SNX29: variants seen among roughly 807,000 people sequenced by gnomAD.
The protein encoded by SNX29 is sorting nexin 29.
SNX29 carries 78 observed loss-of-function variants against 102.1 expected under a neutral mutation model. That is an observed-to-expected ratio of 0.76 (90% CI 0.64 to 0.92). The LOEUF (loss-of-function observed/expected upper bound fraction) is 0.92. Ranked by LOEUF, SNX29 falls within the 40% of genes least tolerant of loss-of-function variation. SNX29 has a pLI of 0.00. For missense variants in SNX29, 1,280 were observed against 1,061.7 expected, an observed-to-expected ratio of 1.21 and a Z score of -2.86; for synonymous variants, 580 against 414.5, an observed-to-expected ratio of 1.40 and a Z score of -4.85.
intron 19 of SNX29, among the ~76,000 whole-genome samples, chr16:12,511,038 C>T (rs1245027121): frequency 6.6e-6 from 1 of 152,128 alleles, no homozygotes; most frequent in Non-Finnish European, 1.5e-5. Context: ...CTCACTGCAA[C>T]CTCTGCGTCC....
At chr16:12,254,524 C>T (rs1430517844) in intron 14 of SNX29, among the ~76,000 whole-genome samples, 1 of 152,008 alleles carries the variant, frequency 6.6e-6, no homozygotes, top group Non-Finnish European at 1.5e-5. Flanking sequence ...ACCTGTAATC[C>T]CAGCTACTCG....
intron 1 of SNX29, among the ~76,000 whole-genome samples, chr16:11,977,201 C>T (rs1274622292): frequency 1.3e-5 from 2 of 152,106 alleles, no homozygotes. Flanking sequence ...GGTCCCCCAT[C>T]CCCAGTCATC....
intron 8 of SNX29, 69 bp downstream of exon 8, chr16:12,052,291 A>G: frequency 1.3e-6 from 2 of 1,555,352 alleles, no homozygotes; most frequent in East Asian, 2.3e-5. Context: ...ATCTCAGCTC[A>G]CTGCAACCTC....
At chr16:12,089,834 CT>C in intron 11 of SNX29, 2 of 400,610 alleles carry the variant, frequency 5.0e-6, no homozygotes, top group South Asian at 1.8e-5. Flanking sequence ...CAGTGCGTTC[CT>C]TCCGTCCTTC....
At chr16:12,261,510 C>T (rs796872123) in intron 14 of SNX29, among the ~76,000 whole-genome samples, 90 of 136,220 alleles carry the variant, frequency 6.6e-4, no homozygotes, top group Admixed American at 1.2e-3. Context: ...TGAGTGTTTG[C>T]TGAGCTCGGG....
At chr16:12,024,861 C>T (rs1043190794) in intron 3 of SNX29, among the ~76,000 whole-genome samples, 9 of 152,202 alleles carry the variant, frequency 5.9e-5, no homozygotes, top group Admixed American at 2.0e-4. Context: ...CTCAACATAC[C>T]CCAGAGTTTT....
chr16:12,152,031 C>G (rs2055323118), intron 13 of SNX29, among the ~76,000 whole-genome samples: 1 of 123,062 alleles, frequency 8.1e-6, no homozygotes, highest in Non-Finnish European at 1.8e-5. Context: ...CCAGCCTGGG[C>G]AATGTGGTGA....
At chr16:12,030,772 C>A (rs2057318545) in intron 4 of SNX29, among the ~76,000 whole-genome samples, 1 of 152,228 alleles carries the variant, frequency 6.6e-6, no homozygotes, top group Admixed American at 6.5e-5. Context: ...GATCTGGCTT[C>A]TTGGGCTCTC....
intron 15 of SNX29, among the ~76,000 whole-genome samples, chr16:12,322,044 C>T (rs765279884): frequency 3.3e-5 from 5 of 152,156 alleles, no homozygotes; most frequent in Admixed American, 1.3e-4. Context: ...GTCGGGGTCC[C>T]GGTCCTGTGT....
At chr16:12,551,227 TC>T (rs35164205) in intron 20 of SNX29, among the ~76,000 whole-genome samples, 15,891 of 152,104 alleles carry the variant, frequency 0.1, 1,468 homozygotes, top group African/African-American at 0.21. Flanking sequence ...AGATTTGCCA[TC>T]TTCTGAGGAC....
intron 15 of SNX29, among the ~76,000 whole-genome samples, chr16:12,334,826 T>G (rs375503316): frequency 6.6e-6 from 1 of 151,456 alleles, no homozygotes; most frequent in East Asian, 1.9e-4. Context: ...CCTGCTTCTC[T>G]CAATTATTTT....
At chr16:12,260,786 ATGCG>A (rs2078720163) in intron 14 of SNX29, among the ~76,000 whole-genome samples, 1 of 144,992 alleles carries the variant, frequency 6.9e-6, no homozygotes. Context: ...CAGTCTGTGC[ATGCG>A]CCCCCGGCTG....
chr16:12,202,629 G>C (rs1487733389), intron 14 of SNX29, among the ~76,000 whole-genome samples: 1 of 152,176 alleles, frequency 6.6e-6, no homozygotes, highest in Non-Finnish European at 1.5e-5. Context: ...CTTTCTCCTC[G>C]CCACGGAGCC....
intron 3 of SNX29, among the ~76,000 whole-genome samples, chr16:12,008,142 C>T (rs566519965): frequency 6.6e-6 from 1 of 152,290 alleles, no homozygotes; most frequent in Admixed American, 6.5e-5. Context: ...GATGGGGTTT[C>T]ACCGTGTTAG....
At chr16:12,214,369 T>C (rs2077267804) in intron 14 of SNX29, among the ~76,000 whole-genome samples, 1 of 152,240 alleles carries the variant, frequency 6.6e-6, no homozygotes, top group Non-Finnish European at 1.5e-5. Context: ...TTTATTGGTG[T>C]AGTTTGTCAG....
rs186783108 is a variant in SNX29 at position 12,054,107 on chromosome 16, G to A, written c.1124+1885G>A. Among the ~76,000 whole-genome samples the A allele has an allele frequency of 1.9e-3, 286 of 151,976 alleles. 2 individuals carry two copies. The highest frequency in any genetic ancestry group is 6.8e-3 in the African/African-American group (280 of 41,472). ...CTCAGCCTCCCGAGTAGCTGGGACT[G>A]CAAGCGTCCGCCACCACGCCCGGCT... On this transcript the variant is annotated intron_variant, in intron 8 of 20. Transcript: ENST00000566228.
intron 18 of SNX29, among the ~76,000 whole-genome samples, chr16:12,449,421 A>G (rs116315200): frequency 0.025 from 3,861 of 152,096 alleles, 149 homozygotes; most frequent in African/African-American, 0.088. Context: ...GAGCTGGTTT[A>G]GGTGGATTAT....
intron 11 of SNX29, among the ~76,000 whole-genome samples, chr16:12,118,203 A>C (rs1172535319): frequency 1.3e-5 from 2 of 152,012 alleles, no homozygotes; most frequent in Non-Finnish European, 2.9e-5. Context: ...CTACTGCTGG[A>C]AGCAACCTCT....
At position 12,232,488 on chromosome 16, in the gene SNX29, T is replaced by C. The variant is rs182407641; in HGVS notation, c.1678+32805T>C. Reference sequence around the variant, plus strand: ...GTGAGCCAAGATCGTGCCACTGCACTCCAGGCTGGGCCACATAGTGAGACT... The same window carrying C: ...GTGAGCCAAGATCGTGCCACTGCACCCCAGGCTGGGCCACATAGTGAGACT... On this transcript the variant is annotated intron_variant, in intron 14 of 20. Transcript: ENST00000566228. 4.6e-5 allele frequency among the ~76,000 whole-genome samples: 7 copies of C among 152,338 alleles called. No individual in the cohort carries two copies. In the East Asian group the frequency reaches 1.2e-3, roughly 25 times the overall value.
Sources: allele counts gnomAD v4.1 joint callset (sites outside exome capture counted in the v4.1 genomes callset), GRCh38; gene constraint gnomAD v4.1.1; transcripts MANE v1.5; gene names NCBI Gene and HGNC (gene_info 2026-07-23, HGNC 2026-07-21).